CD27: variants seen among roughly 807,000 people sequenced by gnomAD.
CD27 encodes the protein CD27 antigen.
CD27 carries 16 observed loss-of-function variants against 25.9 expected under a neutral mutation model. The observed-to-expected ratio is 0.62, with a 90% CI of 0.42 to 0.94. The LOEUF (loss-of-function observed/expected upper bound fraction) is 0.94, where lower values mean the gene tolerates loss of function less well. CD27 is among the 40% of genes least tolerant of loss of function. The pLI is 0.00. For synonymous variants in CD27, 142 were observed against 124.3 expected (o/e 1.14, Z -0.95); for missense variants, 300 against 333.2 (o/e 0.90, Z 0.78).
In CD27 at chr12:6,451,645, A is replaced by T; in HGVS notation, c.*253A>T. On this transcript the variant is annotated 3_prime_UTR_variant, in exon 6 of 6. Transcript: ENST00000266557. ...CAGGAGGGCGGGGGCTCTGGTTGTA[A>T]AACACACTTCCTGCTGCGAAAGACC... 2.2e-6 allele frequency: 1 copy of T among 463,082 alleles called. No homozygotes were observed. 28.7% of individuals were successfully genotyped at this position (463,082 alleles called of 1,614,324 possible).
In CD27 at chr12:6,445,565, G is replaced by A. The variant is rs548730409; in HGVS notation, c.268+10G>A. On this transcript the variant is annotated intron_variant, in intron 2 of 5. Coordinates refer to ENST00000266557, the MANE Select transcript of CD27 (RefSeq NM_001242.5). The surrounding 1 kb of genome is among the most constrained non-coding windows in gnomAD (Gnocchi z 4.5). ...CGGCACTGTAACTCTGGTGAGGTGG[G>A]CAAGGGTGTGTAGGTGGGGACGATG... 54 of 1,612,534 alleles carry A rather than the reference G, an allele frequency of 3.3e-5. No individual in the cohort carries two copies. Among genetic ancestry groups the A allele is most frequent in the Non-Finnish European group, 3.1e-5 (37 of 1,179,780 alleles).
At chr12:6,444,420 G>A (rs368128464), upstream of CD27, among the ~76,000 whole-genome samples, 4 of 152,078 alleles carry the variant, frequency 2.6e-5, no homozygotes, top group Non-Finnish European at 4.4e-5. Flanking sequence ...GAAATGTTGC[G>A]TTTGATTATG....
chr12:6,448,982 A>G (rs1949468393), intron 2 of CD27, among the ~76,000 whole-genome samples: 1 of 150,166 alleles, frequency 6.7e-6, no homozygotes, highest in Admixed American at 6.7e-5. Context: ...AATCCCTAAT[A>G]TACTTTGTTT....
Position 6,447,797 on chromosome 12 carries a change from C to T in CD27, c.268+2242C>T, listed in dbSNP as rs976042946. ...ATCCCTCCTCCCTCCCCACACCCCACGACAGGCCCCAGTGTGTGATGTTCC... is the reference window on the plus strand; with the variant it reads ...ATCCCTCCTCCCTCCCCACACCCCATGACAGGCCCCAGTGTGTGATGTTCC... On this transcript the variant is annotated intron_variant, in intron 2 of 5. Transcript: ENST00000266557. 5.3e-5 allele frequency: 8 copies of T among 151,632 alleles called. No individual in the cohort carries two copies. In the East Asian group the frequency reaches 5.8e-4, roughly 11 times the overall value. The allele number at this position is 151,632 out of a possible 1,614,324, so 9.4% of individuals were successfully genotyped here.
chr12:6,449,529 G>A (rs535024814), intron 2 of CD27, among the ~76,000 whole-genome samples: 5 of 152,002 alleles, frequency 3.3e-5, no homozygotes, highest in South Asian at 2.1e-4. Flanking sequence ...CTCTCTGTAC[G>A]TATATTATAC....
At chr12:6,449,013 T>A (rs1323200663) in intron 2 of CD27, among the ~76,000 whole-genome samples, 1 of 151,954 alleles carries the variant, frequency 6.6e-6, no homozygotes, top group Non-Finnish European at 1.5e-5. Context: ...TGGTGGTGTT[T>A]GAGACAGGAT....
At position 6,445,737 on chromosome 12, in the gene CD27, T is replaced by C. The variant is rs1252572901; in HGVS notation, c.268+182T>C. On this transcript the variant is annotated intron_variant, in intron 2 of 5. Transcript: ENST00000266557. The surrounding 1 kb of genome is among the most constrained non-coding windows in gnomAD (Gnocchi z 4.5). ...ACCCTAGGTGGGGCATGAATTAACGTGGGCAGACATCTAGTATTCCAGGAA... is the reference window on the plus strand; with the variant it reads ...ACCCTAGGTGGGGCATGAATTAACGCGGGCAGACATCTAGTATTCCAGGAA... Among the ~76,000 whole-genome samples the C allele has an allele frequency of 2.0e-5, 3 of 151,762 alleles. No homozygotes were observed. Among genetic ancestry groups the C allele is most frequent in the African/African-American group, 7.3e-5 (3 of 41,288 alleles).
chr12:6,450,811 A>C lies in CD27; in HGVS notation c.539-84A>C, dbSNP rs1949525800. On this transcript the variant is annotated intron_variant, in intron 4 of 5. Coordinates refer to ENST00000266557, the MANE Select transcript of CD27 (RefSeq NM_001242.5). This position sits in a 1 kb window ranked among gnomAD's most constrained non-coding sequence, Gnocchi z 4.1. ...GATAGAATAAGGTGGGGGAAAGGGG[A>C]GAGGCAAGGTGACAGGAGGGCTGGG... 2 of 1,574,308 alleles carry C rather than the reference A, an allele frequency of 1.3e-6. No individual in the cohort carries two copies. Among genetic ancestry groups the C allele is most frequent in the Non-Finnish European group, 1.7e-6 (2 of 1,149,450 alleles).
chr12:6,448,553 C>G (rs1355402293), intron 2 of CD27: 1 of 152,246 alleles, frequency 6.6e-6, no homozygotes, highest in African/African-American at 2.4e-5. Context: ...ATCACGAGGT[C>G]AGGAGATTGA....
chr12:6,451,642 G>GT lies in CD27; in HGVS notation c.*251dup, dbSNP rs1949551028. ...CTGCAGGAGGGCGGGGGCTCTGGTT[G>GT]TAAAACACACTTCCTGCTGCGAAAG... On this transcript the variant is annotated 3_prime_UTR_variant, in exon 6 of 6. Transcript: ENST00000266557. 2.1e-6 allele frequency: 1 copy of GT among 466,918 alleles called. No homozygotes were observed. Among genetic ancestry groups the GT allele is most frequent in the African/African-American group, 2.0e-5 (1 of 51,232 alleles). The allele number at this position is 466,918 out of a possible 1,614,324, so 28.9% of individuals were successfully genotyped here.
At chr12:6,448,582 G>A (rs2532504) in intron 2 of CD27, 115,917 of 151,658 alleles carry the variant, frequency 0.76, 45,764 homozygotes, top group Non-Finnish European at 0.87. Flanking sequence ...TGGCTAACAC[G>A]GTGAAACCCC....
chr12:6,450,473 C>A lies in CD27; in HGVS notation c.449-68C>A. The A allele has an allele frequency of 6.4e-7, 1 of 1,551,228 alleles. No individual in the cohort carries two copies. The highest frequency in any genetic ancestry group is 8.9e-7 in the Non-Finnish European group (1 of 1,128,824). On this transcript the variant is annotated intron_variant, in intron 3 of 5. Transcript: ENST00000266557. The surrounding 1 kb of genome is among the most constrained non-coding windows in gnomAD (Gnocchi z 4.1). ...TTCTGCCTTCCCATCCCATCCAGCA[C>A]CTCTCAGGCCTTCAGATGTGCCCTA...
upstream of CD27, among the ~76,000 whole-genome samples, chr12:6,444,191 G>A (rs1447279355): frequency 1.3e-5 from 2 of 152,134 alleles, no homozygotes; most frequent in Non-Finnish European, 2.9e-5. Context: ...AGGCCATGTG[G>A]GCAGTAGGTG....
rs540102415 is a variant in CD27, at chr12:6,450,799, G to A, written c.539-96G>A. 23 of 1,548,920 alleles carry A rather than the reference G, an allele frequency of 1.5e-5. No homozygotes were observed. Among genetic ancestry groups the A allele is most frequent in the Non-Finnish European group, 8.9e-6 (10 of 1,129,356 alleles). On this transcript the variant is annotated intron_variant, in intron 4 of 5. Coordinates refer to ENST00000266557, the MANE Select transcript of CD27 (RefSeq NM_001242.5). The surrounding 1 kb of genome is among the most constrained non-coding windows in gnomAD (Gnocchi z 4.1). ...GGTGGCGGGTGGGATAGAATAAGGT[G>A]GGGGAAAGGGGAGAGGCAAGGTGAC...
chr12:6,449,959 T>C (rs1311634588), intron 2 of CD27, among the ~76,000 whole-genome samples: 1 of 152,190 alleles, frequency 6.6e-6, no homozygotes, highest in Non-Finnish European at 1.5e-5. Flanking sequence ...ATCTTCCTTC[T>C]GAAAGGTCCA....
chr12:6,450,092 G>T lies in CD27; in HGVS notation c.269-81G>T. On this transcript the variant is annotated intron_variant, in intron 2 of 5. Coordinates refer to ENST00000266557, the MANE Select transcript of CD27 (RefSeq NM_001242.5). This position sits in a 1 kb window ranked among gnomAD's most constrained non-coding sequence, Gnocchi z 4.1. ...TCCCTAGAGGTGGGCCTGGGATGGG[G>T]GTTGGGGGATGAAGCAAGTGGACCT... The T allele has an allele frequency of 7.5e-7, 1 of 1,325,498 alleles. No individual in the cohort carries two copies. The highest frequency in any genetic ancestry group is 1.0e-6 in the Non-Finnish European group (1 of 953,340). 82.1% of individuals were successfully genotyped at this position (1,325,498 alleles called of 1,614,324 possible). A position where few individuals can be genotyped will look rare whatever the true frequency, so the allele number is the denominator to read the frequency against.
rs1230383192 is a variant in CD27, at chr12:6,445,471, T to C, written c.184T>C (p.Cys62Arg). The change falls in exon 2 of 6, where the codon TGT becomes CGT. Residue 62 changes from cysteine (C) to arginine (R), a missense_variant. Physicochemically the swap from Cys to Arg is radical, Grantham distance 180. Coordinates refer to ENST00000266557, the MANE Select transcript of CD27 (RefSeq NM_001242.5). The surrounding 1 kb of genome is among the most constrained non-coding windows in gnomAD (Gnocchi z 4.5). ...DCDQHRKAAQ[C>R]DPCIPGVSFS... ...TGACCAGCATAGAAAGGCTGCTCAGTGTGATCCTTGCATACCGGGGGTCTC... is the reference window on the plus strand; with the variant it reads ...TGACCAGCATAGAAAGGCTGCTCAGCGTGATCCTTGCATACCGGGGGTCTC... The C allele has an allele frequency of 6.2e-7, 1 of 1,614,008 alleles. No individual in the cohort carries two copies. Among genetic ancestry groups the C allele is most frequent in the East Asian group, 2.2e-5 (1 of 44,894 alleles).
chr12:6,450,376 G>T lies in CD27; in HGVS notation c.448+24G>T. 6.2e-7 allele frequency: 1 copy of T among 1,603,782 alleles called. No homozygotes were observed. On this transcript the variant is annotated intron_variant, in intron 3 of 5. Transcript: ENST00000266557. The surrounding 1 kb of genome is among the most constrained non-coding windows in gnomAD (Gnocchi z 4.1). ...TGGTAAGTTCCAGGCAACTCTCTGT[G>T]CCATCACGTGGGGTAGCGGTGATAC...
chr12:6,451,495 C>T lies in CD27; in HGVS notation c.*103C>T. On this transcript the variant is annotated 3_prime_UTR_variant, in exon 6 of 6. Transcript: ENST00000266557. Reference sequence around the variant, plus strand: ...TGGCAGCCACAACTGCAGTCCCATCCTCTTGTCAGGGCCCTTTCCTGTGTA... The same window carrying T: ...TGGCAGCCACAACTGCAGTCCCATCTTCTTGTCAGGGCCCTTTCCTGTGTA... 7.9e-7 allele frequency: 1 copy of T among 1,261,608 alleles called. No homozygotes were observed. Among genetic ancestry groups the T allele is most frequent in the Non-Finnish European group, 1.1e-6 (1 of 906,208 alleles). The allele number at this position is 1,261,608 out of a possible 1,614,324, so 78.2% of individuals were successfully genotyped here. A position where few individuals can be genotyped will look rare whatever the true frequency, so the allele number is the denominator to read the frequency against.
Sources: allele counts gnomAD v4.1 joint callset (sites outside exome capture counted in the v4.1 genomes callset), GRCh38; gene constraint gnomAD v4.1.1; non-coding constraint Gnocchi (gnomAD v3.1); transcripts MANE v1.5; gene names NCBI Gene and HGNC (gene_info 2026-07-23, HGNC 2026-07-21).